Variants in TMEM181 observed in about 807,000 individuals in gnomAD.
TMEM181 encodes transmembrane protein 181, also known as G protein-coupled receptor 178.
TMEM181 carries 39 observed loss-of-function variants against 71.9 expected under a neutral mutation model. The ratio of observed to expected loss-of-function variants is 0.54; its 90% CI spans 0.42 to 0.71. The LOEUF (loss-of-function observed/expected upper bound fraction) is 0.71, where lower values mean the gene tolerates loss of function less well. TMEM181 is among the 30% of genes least tolerant of loss of function. The probability of loss-of-function intolerance (pLI) is 0.00; values close to 1 mark genes in which losing one functional copy is unlikely to be tolerated. For missense variants in TMEM181, 595 were observed against 583.0 expected (o/e 1.02, Z -0.21); for synonymous variants, 245 against 228.8 (o/e 1.07, Z -0.64).
At chr6:158,586,729 C>T (rs1179987261) in intron 5 of TMEM181, among the ~76,000 whole-genome samples, 4 of 152,170 alleles carry the variant, frequency 2.6e-5, no homozygotes, top group South Asian at 2.1e-4. Context: ...GGGAGGATCA[C>T]GTGGGACTGG....
At chr6:158,584,999 G>A (rs527489695) in intron 4 of TMEM181, among the ~76,000 whole-genome samples, 102 of 152,222 alleles carry the variant, frequency 6.7e-4, no homozygotes, top group South Asian at 1.9e-3. Flanking sequence ...AAAAATGTAT[G>A]TGAGAAATTA....
chr6:158,592,637 C>T (rs1281551317), intron 6 of TMEM181, among the ~76,000 whole-genome samples: 2 of 152,130 alleles, frequency 1.3e-5, no homozygotes, highest in Non-Finnish European at 1.5e-5. Flanking sequence ...TGTAGTAGTT[C>T]ACCACGCCCT....
chr6:158,605,160 A>T, intron 6 of TMEM181, 107 bp from the exon 7 acceptor site: 38 of 523,730 alleles, frequency 7.3e-5, no homozygotes, highest in Non-Finnish European at 9.1e-5. Context: ...GTGTGTGTGT[A>T]TGTGTATATA....
intron 7 of TMEM181, 152 bp downstream of exon 7, chr6:158,605,499 T>TCTGCCGAGATG (rs1187533083): frequency 2.7e-6 from 2 of 727,844 alleles, no homozygotes; most frequent in African/African-American, 3.5e-5. Context: ...ACTCTGTGTG[T>TCTGCCGAGATG]CTGCCGAGAT....
chr6:158,626,503 A>G (rs1329042825), intron 13 of TMEM181: 4 of 456,378 alleles, frequency 8.8e-6, no homozygotes, highest in African/African-American at 4.0e-5. Flanking sequence ...TGGGAGGTCA[A>G]CCCTTGTCCA....
chr6:158,552,443 A>G (rs2362575), intron 1 of TMEM181, among the ~76,000 whole-genome samples: 93,090 of 152,106 alleles, frequency 0.61, 28,871 homozygotes, highest in East Asian at 0.72. Flanking sequence ...ACATTGAGCG[A>G]GGAATACATG....
Position 158,605,288 on chromosome 6 carries a change from T to C in TMEM181, c.514T>C (p.Phe172Leu), listed in dbSNP as rs1346841636. ...NFTWKTYNPA[F>L]SRLEIWFRFF... ...TTAGTGGAAGACTTATAACCCTGCC[T>C]TCTCCCGGTTGGAAATCTGGTTCCG... The change falls in exon 7 of 17, where the codon TTC becomes CTC. Residue 172 changes from phenylalanine (F) to leucine (L), a missense_variant. By Grantham distance (22) the Phe-to-Leu change is conservative (BLOSUM62 0). Coordinates refer to ENST00000684151, the MANE Select transcript of TMEM181 (RefSeq NM_001376852.1). 6.2e-7 allele frequency: 1 copy of C among 1,614,082 alleles called. No homozygotes were observed. Among genetic ancestry groups the C allele is most frequent in the Admixed American group, 1.7e-5 (1 of 60,024 alleles).
At chr6:158,573,850 G>C (rs1338800507) in intron 2 of TMEM181, among the ~76,000 whole-genome samples, 1 of 152,166 alleles carries the variant, frequency 6.6e-6, no homozygotes, top group East Asian at 1.9e-4. Context: ...GGTGTGTCCA[G>C]AACATGCTGC....
chr6:158,630,537 C>T (rs1459829271), intron 15 of TMEM181, among the ~76,000 whole-genome samples: 1 of 152,002 alleles, frequency 6.6e-6, no homozygotes, highest in Non-Finnish European at 1.5e-5. Flanking sequence ...GATGATTTTG[C>T]CCAACTATAG....
At chr6:158,625,821 T>C in intron 13 of TMEM181, 67 bp downstream of exon 13, 1 of 1,403,228 alleles carries the variant, frequency 7.1e-7, no homozygotes. Flanking sequence ...GAATATCTGT[T>C]GCCTCCTTTT....
chr6:158,571,089 AAATT>A (rs200818655), intron 1 of TMEM181, among the ~76,000 whole-genome samples: 150 of 151,494 alleles, frequency 9.9e-4, no homozygotes, highest in East Asian at 5.6e-3. Context: ...ATTTTTTAAA[AAATT>A]AATTAATTAA....
intron 10 of TMEM181, among the ~76,000 whole-genome samples, chr6:158,611,948 C>G (rs1034842349): frequency 6.7e-6 from 1 of 149,062 alleles, no homozygotes; most frequent in African/African-American, 2.5e-5. Flanking sequence ...GTGTCTGTTC[C>G]CATACAACTC....
At chr6:158,629,070 C>G (rs1464030019) in intron 14 of TMEM181, among the ~76,000 whole-genome samples, 1 of 152,218 alleles carries the variant, frequency 6.6e-6, no homozygotes, top group Admixed American at 6.5e-5. Flanking sequence ...AGGCCAGTGG[C>G]GCAGGGCTGT....
rs1554228514 is a variant in TMEM181, at chr6:158,611,981, C to CCCCA, written c.896+3234_896+3237dup. ...CTCCCTGCAGCTGCAGGGATACCCCCCCCACCTCCTAGTCTGCTTTTAGCT... is the reference window on the plus strand; with the variant it reads ...CTCCCTGCAGCTGCAGGGATACCCCCCCCACCCACCTCCTAGTCTGCTTTTAGCT... On this transcript the variant is annotated intron_variant, in intron 10 of 16. Transcript: ENST00000684151. Among the ~76,000 whole-genome samples, 30 of 145,738 alleles carry CCCCA rather than the reference C, an allele frequency of 2.1e-4. 3 individuals are homozygous for CCCCA. Among genetic ancestry groups the CCCCA allele is most frequent in the African/African-American group, 7.3e-4 (30 of 41,218 alleles).
chr6:158,568,928 G>T (rs1178391531), intron 1 of TMEM181, among the ~76,000 whole-genome samples: 1 of 152,196 alleles, frequency 6.6e-6, no homozygotes, highest in East Asian at 1.9e-4. Flanking sequence ...CTGAAACGGG[G>T]TCTTGTTTCT....
intron 1 of TMEM181, among the ~76,000 whole-genome samples, chr6:158,546,596 T>A (rs1781533188): frequency 6.6e-6 from 1 of 152,234 alleles, no homozygotes; most frequent in Admixed American, 6.5e-5. Flanking sequence ...TCTAGATCTC[T>A]CTTGCCAATG....
chr6:158,589,686 T>G lies in TMEM181; in HGVS notation c.396T>G (p.Ile132Met). The G allele has an allele frequency of 1.2e-6, 2 of 1,614,074 alleles. No homozygotes were observed. ...TGTATTTGCAGAAATGTGCGGAGAT[T>G]ATTGTGGCTCACCTTGGCTACCTGA... ...TLTCAGKCAEIIVAHLGYLNY... is the reference protein window; with the variant it reads ...TLTCAGKCAEMIVAHLGYLNY... Residue 132 changes from isoleucine (I) to methionine (M), a missense_variant, in exon 6 of 17, where the codon ATT becomes ATG. Ile to Met is a conservative substitution (Grantham distance 10, BLOSUM62 1). Transcript: ENST00000684151.
intron 1 of TMEM181, among the ~76,000 whole-genome samples, chr6:158,565,538 G>T (rs958639004): frequency 2.6e-5 from 4 of 152,226 alleles, no homozygotes; most frequent in Non-Finnish European, 4.4e-5. Flanking sequence ...GACAACGCTG[G>T]GGGGAGAAAG....
In TMEM181 at chr6:158,583,938, G is replaced by GTTTTTT; in HGVS notation, c.169-12_169-7dup. The GTTTTTT allele has an allele frequency of 6.6e-7, 1 of 1,509,522 alleles. No individual in the cohort carries two copies. The highest frequency in any genetic ancestry group is 9.0e-7 in the Non-Finnish European group (1 of 1,106,906). 93.5% of individuals were successfully genotyped at this position (1,509,522 alleles called of 1,614,324 possible). On this transcript the variant is annotated splice_polypyrimidine_tract_variant and intron_variant, in intron 3 of 16. Transcript: ENST00000684151. ...ATGAAAAGGTCACATGGATTACTTT[G>GTTTTTT]TTTTTTTTTCTTCAGCTAAAGCCAA...
Sources: gnomAD v4.1 joint callset for allele counts (sites outside exome capture counted in the v4.1 genomes callset) on GRCh38, gnomAD v4.1.1 for gene constraint, MANE v1.5 for transcripts, NCBI Gene and HGNC (gene_info 2026-07-23, HGNC 2026-07-21) for gene names.